Variants in CDK7 observed in about 807,000 individuals in gnomAD.
CDK7 encodes cyclin dependent kinase 7, also known as cyclin-dependent kinase 7.
CDK7 carries 25 observed loss-of-function variants against 49.1 expected under a neutral mutation model. The ratio of observed to expected loss-of-function variants is 0.51; its 90% CI spans 0.37 to 0.71. CDK7 has a LOEUF of 0.71. Among genes scored for constraint, CDK7 ranks in the 30% least tolerant of loss-of-function variants. The probability of loss-of-function intolerance (pLI) is 0.00; values close to 1 mark genes in which losing one functional copy is unlikely to be tolerated. For synonymous variants in CDK7, 107 were observed against 140.0 expected, an observed-to-expected ratio of 0.76 and a Z score of 1.67; for missense variants, 316 against 411.7, an observed-to-expected ratio of 0.77 and a Z score of 2.01.
At chr5:69,264,461 CTT>C (rs921657255) in intron 8 of CDK7, among the ~76,000 whole-genome samples, 1 of 152,124 alleles carries the variant, frequency 6.6e-6, no homozygotes, top group African/African-American at 2.4e-5. Context: ...AGGAGAATCT[CTT>C]GAGCCCAGCA....
intron 2 of CDK7, among the ~76,000 whole-genome samples, chr5:69,238,966 A>G (rs895437772): frequency 1.3e-5 from 2 of 152,166 alleles, no homozygotes; most frequent in Non-Finnish European, 2.9e-5. Context: ...ATTCCATTAT[A>G]TGACTACACT....
At chr5:69,276,905 T>A (rs187712855) in intron 11 of CDK7, among the ~76,000 whole-genome samples, 1 of 152,242 alleles carries the variant, frequency 6.6e-6, no homozygotes, top group Non-Finnish European at 1.5e-5. Flanking sequence ...CTCAGAATTA[T>A]GGGAACTATG....
At chr5:69,237,818 C>A (rs903163320) in intron 2 of CDK7, among the ~76,000 whole-genome samples, 2 of 152,112 alleles carry the variant, frequency 1.3e-5, no homozygotes, top group African/African-American at 2.4e-5. Context: ...AGGCATGGTG[C>A]CCCTGCTAGT....
At chr5:69,266,860 G>A (rs187849056) in intron 8 of CDK7, among the ~76,000 whole-genome samples, 210 of 152,238 alleles carry the variant, frequency 1.4e-3, no homozygotes, top group African/African-American at 4.8e-3. Context: ...ATTACCTTTA[G>A]GAAAACCAAA....
intron 10 of CDK7, among the ~76,000 whole-genome samples, chr5:69,275,925 T>C (rs1561381922): frequency 6.6e-6 from 1 of 152,206 alleles, no homozygotes; most frequent in African/African-American, 2.4e-5. Flanking sequence ...TATGCAAATA[T>C]TCCACAGTCC....
Position 69,235,003 on chromosome 5 carries a change from A to G in CDK7, c.28A>G (p.Lys10Glu). The G allele has an allele frequency of 1.2e-6, 2 of 1,603,204 alleles. No homozygotes were observed. Among genetic ancestry groups the G allele is most frequent in the East Asian group, 2.2e-5 (1 of 44,520 alleles). The change falls in exon 1 of 12, where the codon AAG becomes GAG. Residue 10 changes from lysine (K) to glutamate (E), a missense_variant. Lys to Glu is a moderately conservative substitution (Grantham distance 56, BLOSUM62 1). Transcript: ENST00000256443. ...GGCTCTGGACGTGAAGTCTCGGGCA[A>G]AGCGTTATGAGAAGCTGGACTTCCT... MALDVKSRA[K>E]RYEKLDFLGE...
chr5:69,275,841 T>G (rs1438389859), intron 10 of CDK7, among the ~76,000 whole-genome samples: 1 of 152,112 alleles, frequency 6.6e-6, no homozygotes, highest in Admixed American at 6.6e-5. Flanking sequence ...ACCTTCAGTT[T>G]ATATGTATAA....
intron 8 of CDK7, among the ~76,000 whole-genome samples, chr5:69,263,095 CCAT>C (rs1203368872): frequency 6.6e-6 from 1 of 152,074 alleles, no homozygotes. Context: ...GTGACTGAGA[CCAT>C]CATCTTACAG....
intron 2 of CDK7, 75 bp from the exon 3 acceptor site, chr5:69,252,343 T>A: frequency 1.1e-6 from 1 of 898,794 alleles, no homozygotes; most frequent in South Asian, 1.5e-5. Flanking sequence ...ATTTGAAGTA[T>A]TTACACATTA....
At chr5:69,270,301 A>G (rs1284266378) in intron 9 of CDK7, among the ~76,000 whole-genome samples, 4 of 152,042 alleles carry the variant, frequency 2.6e-5, no homozygotes, top group Admixed American at 6.6e-5. Context: ...AAATTTAGCC[A>G]GGCTTGGTGG....
intron 7 of CDK7, among the ~76,000 whole-genome samples, chr5:69,260,671 A>G (rs1750756998): frequency 6.6e-6 from 1 of 152,164 alleles, no homozygotes; most frequent in Non-Finnish European, 1.5e-5. Context: ...CATATTGGTA[A>G]TTATATTTTC....
intron 8 of CDK7, among the ~76,000 whole-genome samples, chr5:69,262,558 A>G (rs916295682): frequency 6.6e-6 from 1 of 151,636 alleles, no homozygotes; most frequent in Non-Finnish European, 1.5e-5. Context: ...AGTCCCAGCT[A>G]CTCGGGAGGC....
chr5:69,273,832 C>G (rs1044087620), intron 10 of CDK7, among the ~76,000 whole-genome samples: 4 of 152,030 alleles, frequency 2.6e-5, no homozygotes, highest in Non-Finnish European at 5.9e-5. Context: ...AATGCACTTG[C>G]TTGTATAAGC....
Position 69,262,295 on chromosome 5 carries a change from A to G in CDK7, c.618A>G (p.Leu206=), listed in dbSNP as rs1750878436. The G allele has an allele frequency of 6.2e-7, 1 of 1,613,894 alleles. No individual in the cohort carries two copies. The highest frequency in any genetic ancestry group is 1.3e-5 in the African/African-American group (1 of 74,904). ...CTGTTGGCTGTATATTAGCAGAGTTACTTCTAAGGGTAAGTCTAAATTAAT... is the reference window on the plus strand; with the variant it reads ...CTGTTGGCTGTATATTAGCAGAGTTGCTTCTAAGGGTAAGTCTAAATTAAT... ...MWAVGCILAE[L]LLRVPFLPGD... is the part of the protein sequence containing the mutation. The change falls in exon 8 of 12, where the codon TTA becomes TTG. Residue 206 remains leucine (L), a synonymous_variant. Transcript: ENST00000256443.
intron 9 of CDK7, among the ~76,000 whole-genome samples, chr5:69,272,195 G>A (rs1295465114): frequency 4.6e-5 from 7 of 152,038 alleles, no homozygotes; most frequent in Admixed American, 4.6e-4. Flanking sequence ...AAATCCTTTT[G>A]GCAGATTTGT....
intron 2 of CDK7, among the ~76,000 whole-genome samples, chr5:69,250,986 G>A (rs1000448808): frequency 1.3e-5 from 2 of 152,084 alleles, no homozygotes; most frequent in African/African-American, 4.8e-5. Context: ...CTGGAATGCA[G>A]TGGTGCAATC....
chr5:69,267,323 G>GTTTTT, intron 8 of CDK7, among the ~76,000 whole-genome samples: 1 of 77,258 alleles, frequency 1.3e-5, no homozygotes, highest in Non-Finnish European at 2.4e-5. Context: ...TTTTTTTTGA[G>GTTTTT]ACAGAGTCTT....
intron 7 of CDK7, among the ~76,000 whole-genome samples, chr5:69,260,218 C>T (rs549092244): frequency 2.0e-4 from 30 of 152,198 alleles, no homozygotes; most frequent in Non-Finnish European, 3.5e-4. Flanking sequence ...GGCATGGTGG[C>T]GCACGCCTGT....
At position 69,234,899 on chromosome 5, in the gene CDK7, G is replaced by A. The variant is rs1485646491; in HGVS notation, c.-77G>A. On this transcript the variant is annotated 5_prime_UTR_variant, in exon 1 of 12. Coordinates refer to ENST00000256443, the MANE Select transcript of CDK7 (RefSeq NM_001799.4). ...CCGGTGGACGGAAGTGGGTGTTGGA[G>A]GCTTTAAGGTAGCTTTAAATTCGTG... The A allele has an allele frequency of 7.1e-6, 10 of 1,414,662 alleles. No individual in the cohort carries two copies. The highest frequency in any genetic ancestry group is 8.8e-6 in the Non-Finnish European group (9 of 1,023,136). The allele number at this position is 1,414,662 out of a possible 1,614,324, so 87.6% of individuals were successfully genotyped here. A position where few individuals can be genotyped will look rare whatever the true frequency, so the allele number is the denominator to read the frequency against.
Sources: gnomAD v4.1 joint callset for allele counts (sites outside exome capture counted in the v4.1 genomes callset) on GRCh38, gnomAD v4.1.1 for gene constraint, MANE v1.5 for transcripts, NCBI Gene and HGNC (gene_info 2026-07-23, HGNC 2026-07-21) for gene names.